Variants in CEP85L observed in about 807,000 individuals in gnomAD.
CEP85L encodes the protein centrosomal protein 85L.
A neutral mutation model predicts 100.3 loss-of-function variants in CEP85L; 60 were observed. That is an observed-to-expected ratio of 0.60 (90% CI 0.49 to 0.74). CEP85L has a LOEUF of 0.74. CEP85L is among the 30% of genes least tolerant of loss of function. The pLI is 0.00. For missense variants in CEP85L, 973 were observed against 936.2 expected, an observed-to-expected ratio of 1.04 and a Z score of -0.51; for synonymous variants, 319 against 322.7, an observed-to-expected ratio of 0.99 and a Z score of 0.12.
chr6:118,523,670 G>A, intron 4 of CEP85L, 132 bp downstream of exon 4: 1 of 481,276 alleles, frequency 2.1e-6, no homozygotes, highest in East Asian at 3.4e-5. Context: ...ATTGAGGAGG[G>A]GCAGAGATGT....
At chr6:118,501,481 C>T (rs1209302485) in intron 5 of CEP85L, 8 of 430,744 alleles carry the variant, frequency 1.9e-5, no homozygotes, top group Admixed American at 2.9e-5. Flanking sequence ...GTGCTCTTTT[C>T]GTTTTCTGTG....
At chr6:118,613,588 C>G (rs1772801097) in intron 2 of CEP85L, among the ~76,000 whole-genome samples, 1 of 151,810 alleles carries the variant, frequency 6.6e-6, no homozygotes, top group Admixed American at 6.6e-5. Flanking sequence ...AAAATCCTCT[C>G]TCTACTAAAA....
At chr6:118,608,861 T>G (rs1772424473) in intron 2 of CEP85L, among the ~76,000 whole-genome samples, 1 of 152,170 alleles carries the variant, frequency 6.6e-6, no homozygotes, top group Admixed American at 6.5e-5. Context: ...ATACCATAAA[T>G]TGGCAGGGAT....
chr6:118,601,830 C>T (rs1355905318), intron 2 of CEP85L, among the ~76,000 whole-genome samples: 2 of 152,184 alleles, frequency 1.3e-5, no homozygotes, highest in African/African-American at 4.8e-5. Context: ...AGGTAAATCT[C>T]GTCGCCATTT....
chr6:118,481,256 A>C (rs900354650), intron 8 of CEP85L, among the ~76,000 whole-genome samples: 4 of 151,576 alleles, frequency 2.6e-5, no homozygotes, highest in African/African-American at 9.7e-5. Context: ...TTTTTTATAA[A>C]GCCATTAGGT....
intron 3 of CEP85L, chr6:118,537,499 A>T (rs1777662022): frequency 1.0e-6 from 1 of 984,674 alleles, no homozygotes; most frequent in African/African-American, 1.7e-5. Flanking sequence ...ATAGATTTAT[A>T]GACCCAGAAA....
At chr6:118,527,891 T>C (rs781680654) in intron 3 of CEP85L, among the ~76,000 whole-genome samples, 14 of 152,202 alleles carry the variant, frequency 9.2e-5, no homozygotes, top group Admixed American at 2.6e-4. Context: ...TTGTATATTA[T>C]ATTATTTTGT....
chr6:118,627,537 G>A (rs763031219), intron 2 of CEP85L, among the ~76,000 whole-genome samples: 1 of 152,142 alleles, frequency 6.6e-6, no homozygotes, highest in Non-Finnish European at 1.5e-5. Flanking sequence ...AACTTGTGTG[G>A]GACACAGCAC....
At chr6:118,708,575 C>T (rs1353662956) in intron 1 of CEP85L, among the ~76,000 whole-genome samples, 2 of 152,164 alleles carry the variant, frequency 1.3e-5, no homozygotes, top group Non-Finnish European at 2.9e-5. Flanking sequence ...TTAAAAGAGT[C>T]TATTATTAAA....
chr6:118,651,714 G>A, upstream of CEP85L: 1 of 829,964 alleles, frequency 1.2e-6, no homozygotes. Context: ...CGGGGACTGC[G>A]GGGGGCGGGT....
chr6:118,594,496 CTT>C (rs1441671232), intron 2 of CEP85L, among the ~76,000 whole-genome samples: 2 of 152,080 alleles, frequency 1.3e-5, no homozygotes, highest in South Asian at 4.1e-4. Context: ...AAAGAAAAAA[CTT>C]AACACTATCT....
intron 3 of CEP85L, chr6:118,537,599 T>G (rs946969288): frequency 1.0e-6 from 1 of 985,262 alleles, no homozygotes; most frequent in Non-Finnish European, 1.2e-6. Flanking sequence ...CCCAAACACA[T>G]GCTACTTAGA....
At chr6:118,624,854 A>G (rs1773680931) in intron 2 of CEP85L, among the ~76,000 whole-genome samples, 1 of 152,046 alleles carries the variant, frequency 6.6e-6, no homozygotes, top group Non-Finnish European at 1.5e-5. Flanking sequence ...ACCATCTAAC[A>G]CTCCAAGTCC....
chr6:118,657,526 A>T (rs184189728), intron 1 of CEP85L, among the ~76,000 whole-genome samples: 29 of 152,352 alleles, frequency 1.9e-4, no homozygotes, highest in African/African-American at 6.7e-4. Flanking sequence ...AGGCTGAGGC[A>T]TGAGAACTGC....
intron 1 of CEP85L, among the ~76,000 whole-genome samples, chr6:118,695,403 T>A (rs1777172690): frequency 6.6e-6 from 1 of 152,196 alleles, no homozygotes; most frequent in African/African-American, 2.4e-5. Context: ...AAGAGCAACA[T>A]TTTTTGGTTG....
At chr6:118,573,165 C>A (rs949842591) in intron 2 of CEP85L, among the ~76,000 whole-genome samples, 2 of 152,204 alleles carry the variant, frequency 1.3e-5, no homozygotes, top group African/African-American at 4.8e-5. Flanking sequence ...TGCAAAACAT[C>A]AGACAATGAG....
At chr6:118,658,645 A>T (rs1018060106) in intron 1 of CEP85L, among the ~76,000 whole-genome samples, 1 of 152,304 alleles carries the variant, frequency 6.6e-6, no homozygotes, top group Admixed American at 6.5e-5. Context: ...TTTAAAATGG[A>T]ATACAATAAT....
intron 2 of CEP85L, among the ~76,000 whole-genome samples, chr6:118,625,378 C>T (rs899250707): frequency 2.0e-5 from 3 of 152,206 alleles, no homozygotes; most frequent in Non-Finnish European, 2.9e-5. Context: ...CCGCCACGCC[C>T]GAGCGCCTAT....
intron 3 of CEP85L, among the ~76,000 whole-genome samples, chr6:118,537,046 G>C (rs1186807435): frequency 1.3e-5 from 2 of 152,000 alleles, no homozygotes; most frequent in Non-Finnish European, 2.9e-5. Context: ...TACTTGTTTT[G>C]ATAGAAAAAC....
Sources: gnomAD v4.1 joint callset for allele counts (sites outside exome capture counted in the v4.1 genomes callset) on GRCh38, gnomAD v4.1.1 for gene constraint, MANE v1.5 for transcripts, NCBI Gene and HGNC (gene_info 2026-07-23, HGNC 2026-07-21) for gene names.